The following GEN1 variants were observed in gnomAD, a reference collection of about 807,000 sequenced individuals.
The protein encoded by GEN1 is GEN1 structure-specific endonuclease.
GEN1 carries 64 observed loss-of-function variants against 67.6 expected under a neutral mutation model. The ratio of observed to expected loss-of-function variants is 0.95; its 90% CI spans 0.77 to 1.17. The LOEUF is 1.17. GEN1 is among the 50% of genes most tolerant of loss of function. The pLI, the probability that GEN1 is intolerant of heterozygous loss-of-function variation, is 0.00. For synonymous variants in GEN1, 371 were observed against 359.4 expected, an observed-to-expected ratio of 1.03 and a Z score of -0.37; for missense variants, 1,058 against 1,048.3, an observed-to-expected ratio of 1.01 and a Z score of -0.13.
At chr2:17,777,919 CTA>C (rs1672517634) in intron 11 of GEN1, 81 bp from the exon 12 acceptor site, 2 of 733,206 alleles carry the variant, frequency 2.7e-6, no homozygotes, top group African/African-American at 1.8e-5. Flanking sequence ...AAAAAAAAAT[CTA>C]TGGAAATTAT....
At chr2:17,764,317 G>A (rs546381770) in intron 3 of GEN1, among the ~76,000 whole-genome samples, 5 of 152,290 alleles carry the variant, frequency 3.3e-5, no homozygotes, top group South Asian at 2.1e-4. Context: ...TTGGAAGTAC[G>A]CGTATTGGGT....
chr2:17,770,794 T>C (rs532545422), intron 6 of GEN1, among the ~76,000 whole-genome samples: 11 of 152,074 alleles, frequency 7.2e-5, no homozygotes, highest in East Asian at 3.9e-4. Context: ...CTTTCTGATA[T>C]AGAGAAATGT....
At position 17,772,703 on chromosome 2, in the gene GEN1, A is replaced by T. The variant is rs1672248088; in HGVS notation, c.872A>T (p.Asp291Val). ...AGTGATAAATATTGTGAGCCACATGACTATGAATACTGCTGTCCTTGTGAG... is the reference window on the plus strand; with the variant it reads ...AGTGATAAATATTGTGAGCCACATGTCTATGAATACTGCTGTCCTTGTGAG... ...CKSDKYCEPH[D>V]YEYCCPCEWH... is the part of the protein sequence containing the mutation. The change falls in exon 8 of 14, where the codon GAC becomes GTC. Residue 291 changes from aspartate to valine, a missense_variant. Asp to Val is a radical substitution (Grantham distance 152, BLOSUM62 -3). Transcript: ENST00000381254. The T allele has an allele frequency of 6.2e-7, 1 of 1,611,966 alleles. No homozygotes were observed. The highest frequency in any genetic ancestry group is 1.3e-5 in the African/African-American group (1 of 74,848).
At chr2:17,770,334 A>G (rs1672124083) in intron 6 of GEN1, among the ~76,000 whole-genome samples, 2 of 152,082 alleles carry the variant, frequency 1.3e-5, no homozygotes, top group South Asian at 4.1e-4. Context: ...GCTATTCTTT[A>G]TCTGGAAGCA....
chr2:17,763,334 C>T (rs1671769570), intron 3 of GEN1, among the ~76,000 whole-genome samples: 1 of 152,036 alleles, frequency 6.6e-6, no homozygotes, highest in South Asian at 2.1e-4. Context: ...TATTCATGGT[C>T]CTCAATCTTA....
intron 12 of GEN1, among the ~76,000 whole-genome samples, chr2:17,778,368 ATACACACACATATATGTGTG>A: frequency 2.4e-5 from 1 of 40,886 alleles, no homozygotes; most frequent in Non-Finnish European, 4.5e-5. Flanking sequence ...ATATATGTAT[ATACACACACATATATGTGTG>A]TACATATATG....
chr2:17,780,224 A>G (rs1488353140), intron 13 of GEN1, 103 bp downstream of exon 13: 4 of 902,300 alleles, frequency 4.4e-6, no homozygotes, highest in African/African-American at 1.7e-5. Context: ...TGAAAAATCT[A>G]TAAACTCAAA....
At chr2:17,776,252 T>C (rs958053518) in intron 11 of GEN1, among the ~76,000 whole-genome samples, 1 of 152,164 alleles carries the variant, frequency 6.6e-6, no homozygotes, top group African/African-American at 2.4e-5. Flanking sequence ...TAGGTAGTTT[T>C]CTGGATTAAA....
intron 1 of GEN1, 162 bp from the exon 2 acceptor site, chr2:17,759,767 G>C: frequency 1.9e-6 from 1 of 525,136 alleles, no homozygotes; most frequent in East Asian, 3.2e-5. Context: ...CCATTTTAAC[G>C]TTTCAGGTGT....
chr2:17,753,358 G>GGAGGGGACGGCCGCCTGA, upstream of GEN1, among the ~76,000 whole-genome samples: 1 of 152,172 alleles, frequency 6.6e-6, no homozygotes, highest in African/African-American at 2.4e-5. Context: ...CGGCCGCCTG[G>GGAGGGGACGGCCGCCTGA]GAGGGGACGG....
At chr2:17,769,925 A>T (rs1267981277) in intron 6 of GEN1, among the ~76,000 whole-genome samples, 2 of 152,178 alleles carry the variant, frequency 1.3e-5, no homozygotes, top group African/African-American at 4.8e-5. Context: ...AAATGTTAAG[A>T]GGTAAAAATG....
At chr2:17,769,801 AAAAATT>A (rs1672102101) in intron 6 of GEN1, among the ~76,000 whole-genome samples, 1 of 151,414 alleles carries the variant, frequency 6.6e-6, no homozygotes, top group African/African-American at 2.5e-5. Context: ...AATGTTTTAT[AAAAATT>A]AATATTAATG....
chr2:17,768,864 TTAA>T, intron 6 of GEN1, 53 bp downstream of exon 6: 1 of 1,142,952 alleles, frequency 8.7e-7, no homozygotes. Flanking sequence ...CTTGCTGAAC[TTAA>T]TAACGAATAG....
intron 6 of GEN1, among the ~76,000 whole-genome samples, chr2:17,770,851 A>G (rs1254300792): frequency 1.3e-5 from 2 of 151,408 alleles, no homozygotes; most frequent in South Asian, 2.1e-4. Flanking sequence ...GTCTGCTCAC[A>G]TACTGCTGCC....
At chr2:17,771,327 C>T in intron 7 of GEN1, 40 bp downstream of exon 7, 1 of 1,159,146 alleles carries the variant, frequency 8.6e-7, no homozygotes, top group South Asian at 1.2e-5. Context: ...ATCTCATACC[C>T]ATGTTTTAAT....
In GEN1 at chr2:17,780,042, A is replaced by G. The variant is rs1379172262; in HGVS notation, c.1329A>G (p.Ser443=). The change falls in exon 13 of 14, where the codon TCA becomes TCG. Residue 443 remains serine (S), a synonymous_variant. Transcript: ENST00000381254. ...EFALLTIEEE[S]LFEAAYPEIV... The stretch of plus-strand genomic sequence containing the variant: ...CTTTATTAACAATTGAGGAAGAATC[A>G]TTGTTTGAAGCAGCATATCCTGAGA... 2 of 1,606,696 alleles carry G rather than the reference A, an allele frequency of 1.2e-6. No individual in the cohort carries two copies. The highest frequency in any genetic ancestry group is 1.7e-5 in the Admixed American group (1 of 59,972).
chr2:17,755,859 A>T (rs1671411010), intron 1 of GEN1: 1 of 152,214 alleles, frequency 6.6e-6, no homozygotes, highest in African/African-American at 2.4e-5. Flanking sequence ...TAATTAACCA[A>T]TAAAAGCTTA....
chr2:17,778,189 C>CACACACATAGATATGTGTATATATATAT, intron 12 of GEN1, 126 bp downstream of exon 12: 1 of 322,726 alleles, frequency 3.1e-6, no homozygotes. Context: ...TATATATATA[C>CACACACATAGATATGTGTATATATATAT]ACACACACAT....
In GEN1 at chr2:17,782,050, C is replaced by G. The variant is rs1672868319; in HGVS notation, c.*111C>G. 7 of 588,950 alleles carry G rather than the reference C, an allele frequency of 1.2e-5. No individual in the cohort carries two copies. In the South Asian group the frequency reaches 2.2e-4, roughly 19 times the overall value. 36.5% of individuals were successfully genotyped at this position (588,950 alleles called of 1,614,324 possible). A position where few individuals can be genotyped will look rare whatever the true frequency, so the allele number is the denominator to read the frequency against. On this transcript the variant is annotated 3_prime_UTR_variant, in exon 14 of 14. Transcript: ENST00000381254. ...GTAAAAATTTTAATGTTCTCTGTGT[C>G]ATGAAACACTTGCCATTTTAATCAA...
Sources: gnomAD v4.1 joint callset for allele counts (sites outside exome capture counted in the v4.1 genomes callset) on GRCh38, gnomAD v4.1.1 for gene constraint, MANE v1.5 for transcripts, NCBI Gene and HGNC (gene_info 2026-07-23, HGNC 2026-07-21) for gene names.